SDK1: variants seen among roughly 807,000 people sequenced by gnomAD.
SDK1 encodes the protein sidekick cell adhesion molecule 1.
Under a neutral mutation model 245.5 loss-of-function variants are expected in SDK1, and 157 were observed. That is an observed-to-expected ratio of 0.64 (90% CI 0.56 to 0.73). The LOEUF (loss-of-function observed/expected upper bound fraction) is 0.73. Among genes scored for constraint, SDK1 ranks in the 30% least tolerant of loss-of-function variants. The pLI, the probability that SDK1 is intolerant of heterozygous loss-of-function variation, is 0.00. For missense variants in SDK1, 3,583 were observed against 3,002.3 expected, an observed-to-expected ratio of 1.19 and a Z score of -4.52; for synonymous variants, 1,647 against 1,278.5, an observed-to-expected ratio of 1.29 and a Z score of -6.15.
intron 22 of SDK1, among the ~76,000 whole-genome samples, chr7:4,110,241 C>T (rs976596342): frequency 1.3e-5 from 2 of 152,196 alleles, no homozygotes; most frequent in South Asian, 2.1e-4. Flanking sequence ...CCTGTGCCCA[C>T]AGCTCTGTCA....
At chr7:3,360,096 T>G (rs1482913392) in intron 1 of SDK1, among the ~76,000 whole-genome samples, 2 of 152,242 alleles carry the variant, frequency 1.3e-5, no homozygotes, top group Non-Finnish European at 1.5e-5. Flanking sequence ...TTTCCTCTTA[T>G]GTCATGGCCT....
At chr7:3,681,852 G>A (rs571457811) in intron 4 of SDK1, among the ~76,000 whole-genome samples, 8 of 152,016 alleles carry the variant, frequency 5.3e-5, no homozygotes, top group South Asian at 4.2e-4. Flanking sequence ...ATTTTTTTCC[G>A]AACCTCTTGG....
intron 1 of SDK1, among the ~76,000 whole-genome samples, chr7:3,382,464 T>TTTTATATGTC (rs1781512502): frequency 1.3e-5 from 2 of 152,288 alleles, no homozygotes; most frequent in African/African-American, 2.4e-5. Context: ...ACATCGGCAT[T>TTTTATATGTC]TTTATATGTC....
rs183257299 is a variant in SDK1 at position 3,672,486 on chromosome 7, G to T, written c.713+30381G>T. ...AAAAGAGATAGGACATACAGGCAAA[G>T]AAGAAAGATGAGCTGGAAACCAGTA... On this transcript the variant is annotated intron_variant, in intron 4 of 44. Transcript: ENST00000404826. Among the ~76,000 whole-genome samples, 490 of 150,218 alleles carry T rather than the reference G, an allele frequency of 3.3e-3. 3 individuals carry two copies. The highest frequency in any genetic ancestry group is 0.012 in the African/African-American group (474 of 40,780).
intron 1 of SDK1, among the ~76,000 whole-genome samples, chr7:3,398,746 C>G (rs1039953033): frequency 2.1e-4 from 31 of 149,528 alleles, no homozygotes; most frequent in African/African-American, 7.3e-4. Context: ...TGTATGGGTC[C>G]CCTAAGACTG....
At chr7:4,213,445 C>A (rs1435254539) in intron 38 of SDK1, among the ~76,000 whole-genome samples, 1 of 151,658 alleles carries the variant, frequency 6.6e-6, no homozygotes, top group East Asian at 1.9e-4. Context: ...ATTAGCTGGG[C>A]ATGGTGGCAT....
chr7:3,963,848 G>A (rs1389581973), intron 9 of SDK1, among the ~76,000 whole-genome samples: 1 of 152,090 alleles, frequency 6.6e-6, no homozygotes, highest in African/African-American at 2.4e-5. Context: ...GATGTATCCA[G>A]TGGGTACACC....
At chr7:4,063,898 A>G (rs1779707620) in intron 19 of SDK1, among the ~76,000 whole-genome samples, 1 of 152,172 alleles carries the variant, frequency 6.6e-6, no homozygotes, top group Non-Finnish European at 1.5e-5. Flanking sequence ...TTGGATATCC[A>G]TATGCAGAAG....
intron 1 of SDK1, among the ~76,000 whole-genome samples, chr7:3,304,151 T>A (rs2128541045): frequency 6.6e-6 from 1 of 152,332 alleles, no homozygotes; most frequent in East Asian, 1.9e-4. Context: ...CAGGTTCAGG[T>A]CTTCCAAATG....
chr7:3,692,708 T>G (rs1042209198), intron 4 of SDK1, among the ~76,000 whole-genome samples: 4 of 152,094 alleles, frequency 2.6e-5, no homozygotes, highest in Non-Finnish European at 1.5e-5. Flanking sequence ...GATTCATATA[T>G]TTTATGAAAC....
intron 21 of SDK1, among the ~76,000 whole-genome samples, chr7:4,077,420 C>A: frequency 6.6e-6 from 1 of 152,342 alleles, no homozygotes; most frequent in African/African-American, 2.4e-5. Flanking sequence ...CTGCTTTGGC[C>A]TCAGCCAGTT....
At chr7:3,406,803 G>C (rs902353801) in intron 1 of SDK1, among the ~76,000 whole-genome samples, 3 of 152,252 alleles carry the variant, frequency 2.0e-5, no homozygotes, top group Admixed American at 6.5e-5. Context: ...ACATGTGCGT[G>C]TATACATCCA....
At chr7:4,137,778 G>A (rs1294239640) in intron 28 of SDK1, among the ~76,000 whole-genome samples, 1 of 152,170 alleles carries the variant, frequency 6.6e-6, no homozygotes, top group Admixed American at 6.5e-5. Context: ...TCGCTGAAGT[G>A]CAGCGCACTG....
At chr7:3,762,660 T>C (rs1422473090) in intron 4 of SDK1, among the ~76,000 whole-genome samples, 1 of 152,196 alleles carries the variant, frequency 6.6e-6, no homozygotes, top group African/African-American at 2.4e-5. Context: ...CATTTGTAGC[T>C]GTGGCATGCA....
chr7:3,926,196 A>G (rs1779761300), intron 5 of SDK1, among the ~76,000 whole-genome samples: 1 of 152,184 alleles, frequency 6.6e-6, no homozygotes, highest in Admixed American at 6.5e-5. Context: ...TTTGGTGCTG[A>G]GCCTCTAGAT....
intron 4 of SDK1, among the ~76,000 whole-genome samples, chr7:3,711,981 T>A (rs1785063774): frequency 6.6e-6 from 1 of 152,224 alleles, no homozygotes; most frequent in South Asian, 2.1e-4. Context: ...AATGATGGCA[T>A]CTACACAGTA....
At chr7:3,991,904 T>C (rs1364940618) in intron 14 of SDK1, among the ~76,000 whole-genome samples, 1 of 152,196 alleles carries the variant, frequency 6.6e-6, no homozygotes, top group Non-Finnish European at 1.5e-5. Flanking sequence ...ACAAATGCCC[T>C]TAAGAAGCAG....
intron 22 of SDK1, among the ~76,000 whole-genome samples, chr7:4,097,259 GCTCCT>G (rs369004019): frequency 9.3e-4 from 140 of 151,074 alleles, no homozygotes; most frequent in African/African-American, 2.6e-3. Context: ...GAAGCAGACA[GCTCCT>G]GTACGGCCAG....
intron 4 of SDK1, among the ~76,000 whole-genome samples, chr7:3,774,583 A>G (rs1303726545): frequency 6.6e-6 from 1 of 152,186 alleles, no homozygotes; most frequent in African/African-American, 2.4e-5. Flanking sequence ...TGGAAGCCTT[A>G]AGTAGCCTCC....
Sources: allele counts gnomAD v4.1 joint callset (sites outside exome capture counted in the v4.1 genomes callset), GRCh38; gene constraint gnomAD v4.1.1; transcripts MANE v1.5; gene names NCBI Gene and HGNC (gene_info 2026-07-23, HGNC 2026-07-21).